The following ADGRF5 variants were observed in gnomAD, a reference collection of about 807,000 sequenced individuals.
The protein encoded by ADGRF5 is G-protein coupled receptor 116.
In ADGRF5, 75 loss-of-function variants were observed where a neutral mutation model predicts 132.3. That is an observed-to-expected ratio of 0.57 (90% confidence interval 0.47 to 0.69). The LOEUF (loss-of-function observed/expected upper bound fraction) is 0.69, where lower values mean the gene tolerates loss of function less well. Ranked by LOEUF, ADGRF5 falls within the 30% of genes least tolerant of loss-of-function variation. The pLI, the probability that ADGRF5 is intolerant of heterozygous loss-of-function variation, is 0.00. For synonymous variants in ADGRF5, 629 were observed against 597.6 expected (o/e 1.05, Z -0.77); for missense variants, 1,516 against 1,630.6 (o/e 0.93, Z 1.21).
intron 13 of ADGRF5, 85 bp from the exon 14 acceptor site, chr6:46,865,282 A>G: frequency 1.1e-6 from 1 of 931,842 alleles, no homozygotes; most frequent in Non-Finnish European, 1.7e-6. Context: ...ATATGAATAA[A>G]CCTGTCCAAG....
intron 1 of ADGRF5, among the ~76,000 whole-genome samples, chr6:46,945,724 G>T (rs1251582838): frequency 6.6e-6 from 1 of 152,184 alleles, no homozygotes; most frequent in African/African-American, 2.4e-5. Flanking sequence ...GTATTAGTCT[G>T]TTATCACGCT....
intron 16 of ADGRF5, 85 bp from the exon 17 acceptor site, chr6:46,859,608 T>C (rs1353655394): frequency 2.7e-5 from 22 of 819,692 alleles, no homozygotes; most frequent in Middle Eastern, 2.7e-4. Flanking sequence ...TAGAAACTGA[T>C]TGCATAAAGG....
intron 2 of ADGRF5, among the ~76,000 whole-genome samples, chr6:46,902,717 C>T (rs906418584): frequency 6.6e-6 from 1 of 152,198 alleles, no homozygotes; most frequent in African/African-American, 2.4e-5. Context: ...GCTCTGTCAC[C>T]TACAGCCTCT....
chr6:46,900,164 AT>A (rs1390256245), intron 2 of ADGRF5, 81 bp from the exon 3 acceptor site: 1 of 890,270 alleles, frequency 1.1e-6, no homozygotes, highest in Non-Finnish European at 1.8e-6. Context: ...ATACCCCTAA[AT>A]GTTGGAGCTG....
At chr6:46,869,995 C>T (rs531461079) in intron 11 of ADGRF5, among the ~76,000 whole-genome samples, 5 of 151,724 alleles carry the variant, frequency 3.3e-5, no homozygotes, top group African/African-American at 1.2e-4. Flanking sequence ...ATGAGCTTCC[C>T]ACTATTTTTG....
intron 1 of ADGRF5, among the ~76,000 whole-genome samples, chr6:46,913,732 T>C (rs111258610): frequency 7.7e-4 from 118 of 152,282 alleles, no homozygotes; most frequent in African/African-American, 2.8e-3. Context: ...AATTTGTTTG[T>C]AAATTGAAGT....
intron 1 of ADGRF5, among the ~76,000 whole-genome samples, chr6:46,916,181 T>C (rs1776401187): frequency 1.3e-5 from 2 of 152,366 alleles, no homozygotes; most frequent in South Asian, 2.1e-4. Flanking sequence ...CTGACCTTTA[T>C]GGCATATTGC....
chr6:46,938,677 C>T (rs1000807742), intron 1 of ADGRF5, among the ~76,000 whole-genome samples: 3 of 152,212 alleles, frequency 2.0e-5, no homozygotes, highest in African/African-American at 7.2e-5. Context: ...TTCTGGGTTC[C>T]CCCTGTGAGT....
At chr6:46,905,828 A>G (rs1219214667) in intron 2 of ADGRF5, among the ~76,000 whole-genome samples, 5 of 152,222 alleles carry the variant, frequency 3.3e-5, no homozygotes, top group Non-Finnish European at 5.9e-5. Flanking sequence ...ATAACAGCAA[A>G]CAGTCACATA....
chr6:46,890,351 C>T (rs1277570397), intron 3 of ADGRF5, among the ~76,000 whole-genome samples: 1 of 151,990 alleles, frequency 6.6e-6, no homozygotes, highest in Non-Finnish European at 1.5e-5. Flanking sequence ...CCTTGGCCTC[C>T]CAAAGTGCTG....
intron 2 of ADGRF5, among the ~76,000 whole-genome samples, chr6:46,903,923 T>A (rs1278601304): frequency 6.6e-6 from 1 of 152,186 alleles, no homozygotes; most frequent in Non-Finnish European, 1.5e-5. Context: ...ATGAAGGAGA[T>A]ATGATTTATT....
rs761258888 is a variant in ADGRF5 at position 46,860,681 on chromosome 6, A to T, written c.2379+34T>A. 19 of 1,542,796 alleles carry T rather than the reference A, an allele frequency of 1.2e-5. No homozygotes were observed. The East Asian group carries it at 3.8e-4, about 31-fold the overall frequency. On this transcript the variant is annotated intron_variant, in intron 16 of 20. Coordinates refer to ENST00000283296, the MANE Select transcript of ADGRF5 (RefSeq NM_001098518.2). ...AAATTCTGAGGGGTGAAAAGGTAAG[A>T]CCCAAAACTCCTGCAAAGGTTAAGC... is the stretch of plus-strand genomic sequence containing the variant.
chr6:46,918,079 C>T (rs1019277294), intron 1 of ADGRF5, among the ~76,000 whole-genome samples: 2 of 152,218 alleles, frequency 1.3e-5, no homozygotes, highest in South Asian at 2.1e-4. Flanking sequence ...AAAGATTTCA[C>T]GTTGGCGATT....
At chr6:46,911,731 A>C (rs1055568794) in intron 1 of ADGRF5, among the ~76,000 whole-genome samples, 1 of 152,092 alleles carries the variant, frequency 6.6e-6, no homozygotes, top group Non-Finnish European at 1.5e-5. Context: ...TTATCTATTC[A>C]TTTGTGTATT....
At chr6:46,928,501 A>G (rs995727650) in intron 1 of ADGRF5, among the ~76,000 whole-genome samples, 2 of 152,122 alleles carry the variant, frequency 1.3e-5, no homozygotes, top group Non-Finnish European at 2.9e-5. Flanking sequence ...TGAGCGCTCC[A>G]TAGACTCCCA....
intron 1 of ADGRF5, among the ~76,000 whole-genome samples, chr6:46,933,891 C>T (rs1008947959): frequency 1.3e-5 from 2 of 152,180 alleles, no homozygotes; most frequent in Non-Finnish European, 2.9e-5. Flanking sequence ...TCAACAATTA[C>T]ACGATTATTC....
intron 1 of ADGRF5, among the ~76,000 whole-genome samples, chr6:46,916,522 A>G (rs939788507): frequency 2.6e-5 from 4 of 152,094 alleles, no homozygotes; most frequent in African/African-American, 9.7e-5. Context: ...CGGTTTGGAT[A>G]TTGTCATCTC....
chr6:46,870,589 C>T (rs777350865), intron 11 of ADGRF5, among the ~76,000 whole-genome samples: 12 of 152,300 alleles, frequency 7.9e-5, no homozygotes, highest in Non-Finnish European at 1.6e-4. Flanking sequence ...CCTGCATTGC[C>T]CTCCCCATCC....
chr6:46,923,880 T>C (rs1777121995), upstream of ADGRF5, among the ~76,000 whole-genome samples: 1 of 152,224 alleles, frequency 6.6e-6, no homozygotes, highest in Admixed American at 6.5e-5. Flanking sequence ...TGGAATTGAC[T>C]GTCACAGCAG....
Sources: allele counts gnomAD v4.1 joint callset (sites outside exome capture counted in the v4.1 genomes callset), GRCh38; gene constraint gnomAD v4.1.1; transcripts MANE v1.5; gene names NCBI Gene and HGNC (gene_info 2026-07-23, HGNC 2026-07-21).